The following KIF15 variants were observed in gnomAD, a reference collection of about 807,000 sequenced individuals.
KIF15 encodes the protein kinesin family member 15.
A neutral mutation model predicts 190.6 loss-of-function variants in KIF15; 140 were observed. The ratio of observed to expected loss-of-function variants is 0.73; its 90% CI spans 0.64 to 0.84. The LOEUF is 0.84. Among genes scored for constraint, KIF15 ranks in the 40% least tolerant of loss-of-function variants. KIF15 has a pLI of 0.00. For missense variants in KIF15, 1,372 were observed against 1,584.4 expected, an observed-to-expected ratio of 0.87 and a Z score of 2.28; for synonymous variants, 528 against 551.3, an observed-to-expected ratio of 0.96 and a Z score of 0.59.
In KIF15 at chr3:44,816,247, T is replaced by A. The variant is rs550962037; in HGVS notation, c.2549+1171T>A. Among the ~76,000 whole-genome samples the A allele has an allele frequency of 4.6e-5, 7 of 152,292 alleles. No individual in the cohort carries two copies. The South Asian group carries it at 1.4e-3, about 32-fold the overall frequency. ...GCTGCTGCTTCTCCTTTTTTTAAAA[T>A]TTTTTTAAATTTTACTTTAATTTCT... On this transcript the variant is annotated intron_variant, in intron 20 of 34. Transcript: ENST00000326047.
chr3:44,765,593 A>G (rs1451660051), intron 1 of KIF15, among the ~76,000 whole-genome samples: 1 of 152,200 alleles, frequency 6.6e-6, no homozygotes, highest in Non-Finnish European at 1.5e-5. Context: ...TTTTTTAACA[A>G]TGCCCTGGGC....
At chr3:44,790,833 C>G (rs1219544605) in intron 7 of KIF15, among the ~76,000 whole-genome samples, 1 of 151,682 alleles carries the variant, frequency 6.6e-6, no homozygotes, top group Non-Finnish European at 1.5e-5. Flanking sequence ...GCTGGGACTA[C>G]AGGCATGCGC....
chr3:44,828,596 C>CT lies in KIF15; in HGVS notation c.2943+297dup, dbSNP rs554672022. On this transcript the variant is annotated intron_variant, in intron 24 of 34. Transcript: ENST00000326047. ...TTAGTGTGACCCTTTCTTGTTGACT[C>CT]TAAGTCCCATGATACAAATTTTCAA... Among the ~76,000 whole-genome samples the CT allele has an allele frequency of 1.6e-4, 25 of 152,298 alleles. 1 individual carries two copies. In the South Asian group the frequency reaches 5.2e-3, roughly 32 times the overall value.
Position 44,800,343 on chromosome 3 carries a change from T to G in KIF15, c.1128T>G (p.Asn376Lys). ...KAVVNEDTQG[N>K]VSQLQAEVKR... is the part of the protein sequence containing the mutation. ...TAGTAAATGAAGACACCCAAGGAAATGTGAGCCAGCTCCAAGCTGAAGTGA... is the reference window on the plus strand; with the variant it reads ...TAGTAAATGAAGACACCCAAGGAAAGGTGAGCCAGCTCCAAGCTGAAGTGA... Residue 376 changes from asparagine to lysine, a missense_variant, in exon 11 of 35, where the codon AAT (asparagine) becomes AAG (lysine). By Grantham distance (94) the Asn-to-Lys change is moderately conservative. Coordinates refer to ENST00000326047, the MANE Select transcript of KIF15 (RefSeq NM_020242.3). The G allele has an allele frequency of 6.2e-7, 1 of 1,614,136 alleles. No homozygotes were observed. The highest frequency in any genetic ancestry group is 8.5e-7 in the Non-Finnish European group (1 of 1,180,010).
intron 6 of KIF15, chr3:44,862,042 G>T: frequency 7.4e-7 from 1 of 1,354,816 alleles, no homozygotes. Flanking sequence ...CTTTTGGGGC[G>T]TATTCAACTG....
rs544109909 is a variant in KIF15, at chr3:44,848,293, T to A, written c.3769-228T>A. Among the ~76,000 whole-genome samples the A allele has an allele frequency of 1.9e-4, 29 of 152,358 alleles. No homozygotes were observed. In the South Asian group the frequency reaches 6.0e-3, roughly 32 times the overall value. Reference sequence around the variant, plus strand: ...CAGCATGCACACATATAATTCTCCATTTAGAAGCAAGTACCAAGGCCTGTT... The same window carrying A: ...CAGCATGCACACATATAATTCTCCAATTAGAAGCAAGTACCAAGGCCTGTT... On this transcript the variant is annotated intron_variant, in intron 31 of 34. Coordinates refer to ENST00000326047, the MANE Select transcript of KIF15 (RefSeq NM_020242.3).
At chr3:44,774,566 G>A in intron 2 of KIF15, 129 bp downstream of exon 2, 1 of 738,110 alleles carries the variant, frequency 1.4e-6, no homozygotes, top group Non-Finnish European at 2.2e-6. Context: ...CTGGAAATGT[G>A]GGAAAACTGC....
chr3:44,786,094 TAGTCCCAGCTACTCGGGA>T (rs1353823422), intron 6 of KIF15, among the ~76,000 whole-genome samples: 1 of 152,132 alleles, frequency 6.6e-6, no homozygotes, highest in Non-Finnish European at 1.5e-5. Flanking sequence ...CGGGCACCTG[TAGTCCCAGCTACTCGGGA>T]GGCTGAGGCA....
At chr3:44,812,097 T>C in intron 17 of KIF15, 85 bp from the exon 18 acceptor site, 10 of 993,452 alleles carry the variant, frequency 1.0e-5, no homozygotes, top group South Asian at 1.5e-5. Context: ...TTTTGTTTTG[T>C]TGTCTCTTTA....
In KIF15 at chr3:44,784,378, G is replaced by C. The variant is rs533096416; in HGVS notation, c.362-467G>C. The stretch of plus-strand genomic sequence containing the variant: ...TTTTTAGTAACGATGGGATTTCATC[G>C]TGATCTCGATCTCCTGAACTTGTGA... On this transcript the variant is annotated intron_variant, in intron 5 of 34. Transcript: ENST00000326047. Among the ~76,000 whole-genome samples, 46 of 151,896 alleles carry C rather than the reference G, an allele frequency of 3.0e-4. No homozygotes were observed. In the East Asian group the frequency reaches 8.7e-3, roughly 29 times the overall value.
At chr3:44,813,456 C>T (rs931959714) in intron 19 of KIF15, among the ~76,000 whole-genome samples, 8 of 152,124 alleles carry the variant, frequency 5.3e-5, no homozygotes, top group Non-Finnish European at 1.2e-4. Context: ...CTCGCTTTGT[C>T]ACCCAGGCAG....
At chr3:44,786,835 T>C (rs188141593) in intron 7 of KIF15, among the ~76,000 whole-genome samples, 8 of 152,308 alleles carry the variant, frequency 5.3e-5, no homozygotes, top group Admixed American at 2.6e-4. Context: ...CATATGTTTT[T>C]AGTGGTTCCT....
At chr3:44,843,323 C>A in intron 30 of KIF15, 89 bp downstream of exon 30, 1 of 793,798 alleles carries the variant, frequency 1.3e-6, no homozygotes, top group East Asian at 2.5e-5. Flanking sequence ...CACAGGTTTC[C>A]CAAGGTGTAC....
intron 5 of KIF15, among the ~76,000 whole-genome samples, chr3:44,783,219 C>T (rs1706248988): frequency 6.6e-6 from 1 of 152,120 alleles, no homozygotes; most frequent in South Asian, 2.1e-4. Flanking sequence ...GTTTACTTGG[C>T]TCACAGTTCT....
At chr3:44,766,807 C>G (rs7427521) in intron 1 of KIF15, among the ~76,000 whole-genome samples, 433 of 118,550 alleles carry the variant, frequency 3.7e-3, no homozygotes, top group African/African-American at 0.013. Flanking sequence ...TTCTTTCTTT[C>G]TTTTTTTTTT....
At chr3:44,786,932 G>A (rs1169601880) in intron 7 of KIF15, among the ~76,000 whole-genome samples, 1 of 152,072 alleles carries the variant, frequency 6.6e-6, no homozygotes, top group Non-Finnish European at 1.5e-5. Flanking sequence ...TGCTTGTTAG[G>A]TGTCAAAAGC....
chr3:44,844,775 T>C (rs1170764246), intron 30 of KIF15, among the ~76,000 whole-genome samples: 1 of 152,194 alleles, frequency 6.6e-6, no homozygotes, highest in Non-Finnish European at 1.5e-5. Flanking sequence ...TCATGGATTA[T>C]ATAGCAATGA....
intron 17 of KIF15, 108 bp from the exon 18 acceptor site, chr3:44,812,074 T>G: frequency 1.2e-6 from 1 of 800,354 alleles, no homozygotes; most frequent in Non-Finnish European, 2.0e-6. Flanking sequence ...TATGAGGTTT[T>G]GAATTTGTTT....
In KIF15 at chr3:44,852,244, G is replaced by C. The variant is rs866772083; in HGVS notation, c.4009G>C (p.Ala1337Pro). The change falls in exon 34 of 35, where the codon GCT (alanine) becomes CCT (proline). Residue 1337 changes from alanine to proline, a missense_variant. Transcript: ENST00000326047. ...GTTAAGGAAGCAGGTGGAGTGTCTTGCTGAGGAAAATGGAAAGTTGGTAGG... is the reference window on the plus strand; with the variant it reads ...GTTAAGGAAGCAGGTGGAGTGTCTTCCTGAGGAAAATGGAAAGTTGGTAGG... ...EMLRKQVECLAEENGKLVGHQ... is the reference protein window; with the variant it reads ...EMLRKQVECLPEENGKLVGHQ... 1.2e-6 allele frequency: 2 copies of C among 1,613,534 alleles called. No homozygotes were observed. Among genetic ancestry groups the C allele is most frequent in the Non-Finnish European group, 1.7e-6 (2 of 1,179,638 alleles).
Sources: allele counts gnomAD v4.1 joint callset (sites outside exome capture counted in the v4.1 genomes callset), GRCh38; gene constraint gnomAD v4.1.1; transcripts MANE v1.5; gene names NCBI Gene and HGNC (gene_info 2026-07-23, HGNC 2026-07-21).